The following RARB variants were observed in gnomAD, a reference collection of about 807,000 sequenced individuals.
RARB encodes HBV-activated protein.
RARB carries 17 observed loss-of-function variants against 51.9 expected under a neutral mutation model. That is an observed-to-expected ratio of 0.33 (90% CI 0.22 to 0.49). The LOEUF (loss-of-function observed/expected upper bound fraction) is 0.49. Among genes scored for constraint, RARB ranks in the 20% least tolerant of loss-of-function variants. The pLI, the probability that RARB is intolerant of heterozygous loss-of-function variation, is 0.99. For synonymous variants in RARB, 215 were observed against 195.4 expected, an observed-to-expected ratio of 1.10 and a Z score of -0.84; for missense variants, 369 against 550.8, an observed-to-expected ratio of 0.67 and a Z score of 3.30.
At chr3:25,340,717 G>C (rs935473224) in intron 5 of RARB, among the ~76,000 whole-genome samples, 1 of 152,176 alleles carries the variant, frequency 6.6e-6, no homozygotes, top group African/African-American at 2.4e-5. Context: ...GAGATTTTAG[G>C]GGGAAGCTCT....
chr3:25,333,541 G>C (rs1169025879), intron 5 of RARB, among the ~76,000 whole-genome samples: 1 of 152,110 alleles, frequency 6.6e-6, no homozygotes, highest in Non-Finnish European at 1.5e-5. Context: ...ATGGATTAAA[G>C]ACTTAAATGT....
At chr3:24,918,362 A>G (rs1029217925) in intron 2 of RARB, among the ~76,000 whole-genome samples, 1 of 152,226 alleles carries the variant, frequency 6.6e-6, no homozygotes, top group South Asian at 2.1e-4. Flanking sequence ...TAGAAAATGC[A>G]GATCTATAGA....
In RARB at chr3:25,456,554, ATTTTTTTTTTTTT is replaced by A. The variant is rs35056259; in HGVS notation, c.158-4626_158-4614del. ...GGTGATCTGACAGACTATACCACTG[ATTTTTTTTTTTTT>A]TTTTTTTTTTTTGCCTTGCATTGTT... is the stretch of plus-strand genomic sequence containing the variant. On this transcript the variant is annotated intron_variant, in intron 1 of 7. Transcript: ENST00000330688. Among the ~76,000 whole-genome samples, 5 of 44,122 alleles carry A rather than the reference ATTTTTTTTTTTTT, an allele frequency of 1.1e-4. No individual in the cohort carries two copies. The East Asian group carries it at 2.7e-3, about 24-fold the overall frequency. The allele number at this position is 44,122 out of a possible 152,430, so 28.9% of individuals were successfully genotyped here.
intron 1 of RARB, among the ~76,000 whole-genome samples, chr3:25,456,660 AATAT>A (rs59052323): frequency 0.034 from 3,240 of 96,036 alleles, 79 homozygotes; most frequent in African/African-American, 0.064. Context: ...GTGATATTTG[AATAT>A]ATATATATAT....
At chr3:25,491,071 C>A (rs549385598) in intron 2 of RARB, among the ~76,000 whole-genome samples, 1 of 152,170 alleles carries the variant, frequency 6.6e-6, no homozygotes. Flanking sequence ...GGTAACTACT[C>A]AACCTCATAC....
chr3:25,152,742 G>T (rs1700310474), intron 4 of RARB, among the ~76,000 whole-genome samples: 1 of 152,158 alleles, frequency 6.6e-6, no homozygotes, highest in Non-Finnish European at 1.5e-5. Context: ...TTTGGAGTCT[G>T]TAATTGTGAG....
intron 5 of RARB, among the ~76,000 whole-genome samples, chr3:25,335,309 T>C (rs946502042): frequency 1.3e-5 from 2 of 152,204 alleles, no homozygotes; most frequent in African/African-American, 4.8e-5. Flanking sequence ...AGCACAATGC[T>C]AGAAGGCCAT....
chr3:25,546,485 C>T (rs1320733769), intron 3 of RARB, among the ~76,000 whole-genome samples: 1 of 152,124 alleles, frequency 6.6e-6, no homozygotes, highest in African/African-American at 2.4e-5. Flanking sequence ...CAGGCCTCTC[C>T]ACCCCTCACA....
At chr3:25,030,498 T>C (rs1170517379) in intron 2 of RARB, among the ~76,000 whole-genome samples, 1 of 152,256 alleles carries the variant, frequency 6.6e-6, no homozygotes, top group Non-Finnish European at 1.5e-5. Context: ...TTTAAAAATA[T>C]TTTGAATGAG....
chr3:24,964,629 G>A lies in RARB; in HGVS notation c.-379-95496G>A, dbSNP rs374149143. The stretch of plus-strand genomic sequence containing the variant: ...TGGTTTGGTGTATGTTGATGCTTAT[G>A]CATGCCCTGTCCATAAGTTGGTACC... On this transcript the variant is annotated intron_variant, in intron 2 of 11. Transcript: ENST00000383772. Among the ~76,000 whole-genome samples, 29 of 152,310 alleles carry A rather than the reference G, an allele frequency of 1.9e-4. No homozygotes were observed. In the South Asian group the frequency reaches 6.0e-3, roughly 32 times the overall value.
At position 25,530,346 on chromosome 3, in the gene RARB, GT is replaced by G. The variant is rs1445167007; in HGVS notation, c.448+29024del. On this transcript the variant is annotated intron_variant, in intron 3 of 7. Coordinates refer to ENST00000330688, the MANE Select transcript of RARB (RefSeq NM_000965.5). ...GCCAAGGGTTTGATATCCTATTACT[GT>G]GGTAACAAATTACCGCACATTTAGC... Among the ~76,000 whole-genome samples the G allele has an allele frequency of 2.0e-5, 3 of 152,270 alleles. No homozygotes were observed. The East Asian group carries it at 5.8e-4, about 29-fold the overall frequency.
intron 2 of RARB, among the ~76,000 whole-genome samples, chr3:24,981,792 C>T (rs1408299916): frequency 1.3e-5 from 2 of 152,140 alleles, no homozygotes; most frequent in Non-Finnish European, 2.9e-5. Context: ...TGTGCTGTAC[C>T]CACTGTCCAA....
intron 5 of RARB, among the ~76,000 whole-genome samples, chr3:25,414,362 C>T (rs943085749): frequency 1.3e-5 from 2 of 152,166 alleles, no homozygotes; most frequent in African/African-American, 2.4e-5. Context: ...GGGGCTATTA[C>T]TACAAATAAA....
rs535278391 is a variant in RARB at position 24,904,786 on chromosome 3, G to C, written c.-380+46034G>C. Among the ~76,000 whole-genome samples the C allele has an allele frequency of 3.3e-5, 5 of 152,316 alleles. No individual in the cohort carries two copies. The East Asian group carries it at 9.6e-4, about 29-fold the overall frequency. The stretch of plus-strand genomic sequence containing the variant: ...CCAAATGCCCATCAATGATAGGCTG[G>C]ATAAAGGAAGTGTGGCACATATACA... On this transcript the variant is annotated intron_variant, in intron 2 of 11. Coordinates refer to the RARB transcript ENST00000383772.
chr3:25,583,459 C>T (rs190359385), intron 5 of RARB, among the ~76,000 whole-genome samples: 6 of 152,202 alleles, frequency 3.9e-5, no homozygotes, highest in Non-Finnish European at 8.8e-5. Flanking sequence ...AGCCACGTGT[C>T]TCGTGTTGTG....
intron 5 of RARB, among the ~76,000 whole-genome samples, chr3:25,195,018 G>A (rs989837187): frequency 2.6e-5 from 4 of 151,886 alleles, no homozygotes; most frequent in Non-Finnish European, 2.9e-5. Context: ...TCTTTTAACA[G>A]AAACAAAAGC....
At chr3:25,109,587 C>T (rs1275077530) in intron 3 of RARB, among the ~76,000 whole-genome samples, 1 of 152,156 alleles carries the variant, frequency 6.6e-6, no homozygotes, top group Non-Finnish European at 1.5e-5. Context: ...GTGTACCTTT[C>T]TACTCTCTGT....
intron 3 of RARB, among the ~76,000 whole-genome samples, chr3:25,070,010 A>G (rs986402205): frequency 3.3e-5 from 5 of 152,210 alleles, no homozygotes; most frequent in African/African-American, 9.7e-5. Context: ...GAAGTCTGGA[A>G]TCAAGGTATC....
chr3:24,872,697 T>C (rs1702970665), intron 2 of RARB, among the ~76,000 whole-genome samples: 1 of 152,038 alleles, frequency 6.6e-6, no homozygotes, highest in Non-Finnish European at 1.5e-5. Context: ...CACCAAGCCA[T>C]TCATGAGGGG....
Sources: gnomAD v4.1 joint callset for allele counts (sites outside exome capture counted in the v4.1 genomes callset) on GRCh38, gnomAD v4.1.1 for gene constraint, MANE v1.5 for transcripts, NCBI Gene and HGNC (gene_info 2026-07-23, HGNC 2026-07-21) for gene names.